The following GALNT11 variants were observed in gnomAD, a reference collection of about 807,000 sequenced individuals.
GALNT11 encodes the protein UDP-GalNAc:polypeptide N-acetylgalactosaminyltransferase 11.
A neutral mutation model predicts 72.7 loss-of-function variants in GALNT11; 47 were observed. That is an observed-to-expected ratio of 0.65 (90% CI 0.51 to 0.82). The LOEUF is 0.82. Ranked by LOEUF, GALNT11 falls within the 40% of genes least tolerant of loss-of-function variation. GALNT11 has a pLI of 0.00. For synonymous variants in GALNT11, 270 were observed against 286.6 expected (o/e 0.94, Z 0.58); for missense variants, 677 against 778.4 (o/e 0.87, Z 1.55).
rs999890482 is a variant in GALNT11 at position 152,094,389 on chromosome 7, A to T, written c.162A>T (p.Lys54Asn). The T allele has an allele frequency of 2.5e-6, 4 of 1,614,082 alleles. No homozygotes were observed. In the African/African-American group the frequency reaches 5.3e-5, roughly 22 times the overall value. The change falls in exon 2 of 12, where the codon AAA becomes AAT. Residue 54 changes from lysine (K) to asparagine (N), a missense_variant. Coordinates refer to ENST00000430044, the MANE Select transcript of GALNT11 (RefSeq NM_022087.4). This position sits in a 1 kb window ranked among gnomAD's most constrained non-coding sequence, Gnocchi z 4.3. ...GSGPHGPSPK[K>N]FYPRFTRGPS... ...GGCCCCACGGACCATCTCCAAAAAA[A>T]TTCTATCCCCGTTTCACTCGAGGCC... is the stretch of plus-strand genomic sequence containing the variant.
Position 152,117,385 on chromosome 7 carries a change from C to G in GALNT11, c.1452+10C>G, listed in dbSNP as rs1045337823. The G allele has an allele frequency of 6.2e-7, 1 of 1,613,316 alleles. No individual in the cohort carries two copies. The highest frequency in any genetic ancestry group is 8.5e-7 in the Non-Finnish European group (1 of 1,179,704). On this transcript the variant is annotated intron_variant, in intron 9 of 11. Transcript: ENST00000430044. Reference sequence around the variant, plus strand: ...CCTTCAACGTGGAAGGGTAAGAAAGCTGTTTTTTCCAAGTGGCTTATGAAA... The same window carrying G: ...CCTTCAACGTGGAAGGGTAAGAAAGGTGTTTTTTCCAAGTGGCTTATGAAA...
chr7:152,060,559 T>C (rs914601492), intron 1 of GALNT11, among the ~76,000 whole-genome samples: 3 of 152,100 alleles, frequency 2.0e-5, no homozygotes, highest in African/African-American at 7.2e-5. Flanking sequence ...ATGGGCCATG[T>C]TGGTGTGCTG....
chr7:152,084,673 C>T (rs192946677), intron 1 of GALNT11, among the ~76,000 whole-genome samples: 1,697 of 152,256 alleles, frequency 0.011, 43 homozygotes, highest in Admixed American at 0.06. Flanking sequence ...ATACTCTTCT[C>T]TAAGATTTCG....
intron 3 of GALNT11, among the ~76,000 whole-genome samples, chr7:152,101,173 A>C (rs60630320): frequency 2.0e-5 from 3 of 152,156 alleles, no homozygotes; most frequent in African/African-American, 7.2e-5. Context: ...GTAGGGTGCT[A>C]ATTAAATAAC....
intron 4 of GALNT11, chr7:152,103,488 T>A: frequency 2.2e-6 from 1 of 450,294 alleles, no homozygotes; most frequent in Non-Finnish European, 3.9e-6. Flanking sequence ...GGCCGTGAAA[T>A]TTTTTCCGTG....
intron 1 of GALNT11, among the ~76,000 whole-genome samples, chr7:152,034,538 G>A (rs1429584836): frequency 1.3e-5 from 2 of 152,100 alleles, no homozygotes; most frequent in Non-Finnish European, 2.9e-5. Flanking sequence ...GCATTTCAAG[G>A]GTGAGCCTGT....
At chr7:152,095,110 TAAC>T (rs766923244) in intron 2 of GALNT11, among the ~76,000 whole-genome samples, 5 of 152,188 alleles carry the variant, frequency 3.3e-5, no homozygotes, top group African/African-American at 7.2e-5. Context: ...GATTTTCACT[TAAC>T]AAGAATTACT....
chr7:152,120,792 A>T, intron 10 of GALNT11, 39 bp from the exon 11 acceptor site: 3 of 1,531,240 alleles, frequency 2.0e-6, no homozygotes, highest in Non-Finnish European at 2.7e-6. Context: ...TCAGTCTTAA[A>T]ATTCGTTATC....
chr7:152,056,234 A>C (rs937748571), intron 1 of GALNT11, among the ~76,000 whole-genome samples: 1 of 152,184 alleles, frequency 6.6e-6, no homozygotes, highest in South Asian at 2.1e-4. Flanking sequence ...ACTTGGCACT[A>C]TGGACATTTG....
chr7:152,031,396 C>A (rs935656290), intron 1 of GALNT11, among the ~76,000 whole-genome samples: 2 of 152,194 alleles, frequency 1.3e-5, no homozygotes, highest in African/African-American at 2.4e-5. Context: ...TTGAGGGCCA[C>A]GCATGTATGT....
At chr7:152,079,787 TGTGG>T (rs2085209168) in intron 1 of GALNT11, among the ~76,000 whole-genome samples, 1 of 152,248 alleles carries the variant, frequency 6.6e-6, no homozygotes, top group Non-Finnish European at 1.5e-5. Flanking sequence ...CACAGGGGTA[TGTGG>T]GTACTGTACT....
intron 1 of GALNT11, among the ~76,000 whole-genome samples, chr7:152,036,519 T>C (rs181437621): frequency 6.6e-6 from 1 of 152,372 alleles, no homozygotes; most frequent in Admixed American, 6.5e-5. Context: ...TGCTTCCATA[T>C]CTTGGCTATT....
intron 7 of GALNT11, among the ~76,000 whole-genome samples, chr7:152,112,434 G>A (rs1040656987): frequency 2.6e-5 from 4 of 151,996 alleles, no homozygotes; most frequent in South Asian, 4.2e-4. Context: ...CCTGCTACTC[G>A]GGAGGCTGAG....
At chr7:152,042,965 C>T (rs1289679766) in intron 1 of GALNT11, among the ~76,000 whole-genome samples, 3 of 152,144 alleles carry the variant, frequency 2.0e-5, no homozygotes, top group African/African-American at 4.8e-5. Flanking sequence ...TCTACCAAAC[C>T]TTTAAATTTC....
chr7:152,069,015 C>G (rs1467737208), intron 1 of GALNT11, among the ~76,000 whole-genome samples: 1 of 152,184 alleles, frequency 6.6e-6, no homozygotes, highest in Non-Finnish European at 1.5e-5. Context: ...TCAAATTGTT[C>G]TTCTTTCTCT....
intron 7 of GALNT11, 104 bp downstream of exon 7, chr7:152,110,749 G>A (rs1043512018): frequency 1.9e-5 from 17 of 916,396 alleles, no homozygotes; most frequent in Admixed American, 9.5e-5. Flanking sequence ...TTTTTTTTTC[G>A]AGATAGGGTC....
At chr7:152,116,877 T>C (rs749019383) in intron 8 of GALNT11, 12 of 575,816 alleles carry the variant, frequency 2.1e-5, no homozygotes, top group Non-Finnish European at 3.9e-5. Flanking sequence ...TTCTCTGTTT[T>C]AATTTCTGTG....
intron 1 of GALNT11, among the ~76,000 whole-genome samples, chr7:152,027,892 T>C (rs2151973633): frequency 6.6e-6 from 1 of 152,002 alleles, no homozygotes; most frequent in East Asian, 1.9e-4. Flanking sequence ...TCTGGAGTTG[T>C]TTTTTCCTCC....
intron 1 of GALNT11, among the ~76,000 whole-genome samples, chr7:152,073,454 A>G (rs1407546845): frequency 6.6e-6 from 1 of 152,162 alleles, no homozygotes; most frequent in African/African-American, 2.4e-5. Context: ...AGTTCCATCC[A>G]TGTTGCTGTG....
Sources: allele counts gnomAD v4.1 joint callset (sites outside exome capture counted in the v4.1 genomes callset), GRCh38; gene constraint gnomAD v4.1.1; non-coding constraint Gnocchi (gnomAD v3.1); transcripts MANE v1.5; gene names NCBI Gene and HGNC (gene_info 2026-07-23, HGNC 2026-07-21).